The following MARCHF1 variants were observed in gnomAD, a reference collection of about 807,000 sequenced individuals.
MARCHF1 encodes the protein membrane associated ring-CH-type finger 1, also known as E3 ubiquitin-protein ligase MARCHF1.
Under a neutral mutation model 54.2 loss-of-function variants are expected in MARCHF1, and 40 were observed. That is an observed-to-expected ratio of 0.74 (90% CI 0.57 to 0.96). The LOEUF (loss-of-function observed/expected upper bound fraction) is 0.96, where lower values mean the gene tolerates loss of function less well. Ranked by LOEUF, MARCHF1 falls within the 40% of genes least tolerant of loss-of-function variation. MARCHF1 has a pLI of 0.00. For missense variants in MARCHF1, 586 were observed against 656.5 expected (o/e 0.89, Z 1.17); for synonymous variants, 236 against 236.3 (o/e 1.00, Z 0.01).
At chr4:164,131,966 T>A (rs896369996) in intron 1 of MARCHF1, among the ~76,000 whole-genome samples, 2 of 152,158 alleles carry the variant, frequency 1.3e-5, no homozygotes, top group African/African-American at 4.8e-5. Context: ...ATGTATAAAT[T>A]CTACGTATAA....
intron 2 of MARCHF1, among the ~76,000 whole-genome samples, chr4:164,054,971 T>C (rs1010744516): frequency 2.6e-5 from 4 of 152,122 alleles, no homozygotes; most frequent in Non-Finnish European, 4.4e-5. Flanking sequence ...TACTGTCATG[T>C]AATATGAAAG....
intron 1 of MARCHF1, among the ~76,000 whole-genome samples, chr4:164,315,740 G>A (rs1166705193): frequency 6.6e-6 from 1 of 152,168 alleles, no homozygotes; most frequent in East Asian, 1.9e-4. Flanking sequence ...TTGGGAGACT[G>A]TTAGTTATAT....
At chr4:163,635,684 A>G (rs1579139106) in intron 5 of MARCHF1, among the ~76,000 whole-genome samples, 1 of 151,464 alleles carries the variant, frequency 6.6e-6, no homozygotes, top group Non-Finnish European at 1.5e-5. Context: ...AACTGGTACC[A>G]TTCCTTCTGA....
chr4:164,085,824 T>C (rs1044713644), intron 2 of MARCHF1, among the ~76,000 whole-genome samples: 1 of 151,830 alleles, frequency 6.6e-6, no homozygotes, highest in Non-Finnish European at 1.5e-5. Flanking sequence ...ATTTATATTA[T>C]GACTATGTAT....
At chr4:164,315,969 T>G (rs996873226) in intron 1 of MARCHF1, among the ~76,000 whole-genome samples, 1 of 152,158 alleles carries the variant, frequency 6.6e-6, no homozygotes, top group Non-Finnish European at 1.5e-5. Flanking sequence ...TAAGTCTAGC[T>G]TAACTGTAAT....
In MARCHF1 at chr4:163,761,519, G is replaced by GAA. The variant is rs142594863; in HGVS notation, c.112-60657_112-60656insTT. Among the ~76,000 whole-genome samples the GAA allele has an allele frequency of 5.1e-4, 78 of 151,872 alleles. 1 individual carries two copies. The highest frequency in any genetic ancestry group is 7.7e-4 in the East Asian group (4 of 5,178). On this transcript the variant is annotated intron_variant, in intron 4 of 9. Coordinates refer to ENST00000514618, the MANE Select transcript of MARCHF1 (RefSeq NM_001394959.1). ...GAAGGAGGATAATTGAATATTAAGT[G>GAA]GAAGAAGTTGTAGGTCTGGATTAAG...
intron 5 of MARCHF1, among the ~76,000 whole-genome samples, chr4:163,636,815 T>C (rs925903586): frequency 8.5e-5 from 13 of 152,254 alleles, no homozygotes; most frequent in Admixed American, 2.6e-4. Context: ...AGAACAAAGC[T>C]GGAGGCATCA....
At chr4:163,931,631 G>T (rs1751678848) in intron 3 of MARCHF1, among the ~76,000 whole-genome samples, 1 of 152,146 alleles carries the variant, frequency 6.6e-6, no homozygotes, top group African/African-American at 2.4e-5. Flanking sequence ...AAGCTACCAG[G>T]CTATGGTATT....
chr4:163,877,632 C>T (rs577845329), intron 3 of MARCHF1, among the ~76,000 whole-genome samples: 2 of 152,100 alleles, frequency 1.3e-5, no homozygotes, highest in African/African-American at 4.8e-5. Flanking sequence ...CTCTACTTAC[C>T]ATGTCCAAAA....
intron 4 of MARCHF1, among the ~76,000 whole-genome samples, chr4:163,826,249 T>G (rs1254152037): frequency 6.6e-6 from 1 of 152,104 alleles, no homozygotes; most frequent in African/African-American, 2.4e-5. Flanking sequence ...TTTAGTGCAA[T>G]CTGACATTGG....
chr4:164,037,823 G>A (rs1186207012), intron 2 of MARCHF1, among the ~76,000 whole-genome samples: 1 of 152,184 alleles, frequency 6.6e-6, no homozygotes, highest in African/African-American at 2.4e-5. Flanking sequence ...ACTGATAGTT[G>A]CAACAGCTTA....
At chr4:163,784,025 A>G (rs1273584940) in intron 4 of MARCHF1, among the ~76,000 whole-genome samples, 1 of 152,240 alleles carries the variant, frequency 6.6e-6, no homozygotes, top group Non-Finnish European at 1.5e-5. Flanking sequence ...CATAAACAGT[A>G]GTTCATGTTA....
At chr4:164,104,090 C>T (rs1269962883) in intron 2 of MARCHF1, among the ~76,000 whole-genome samples, 1 of 150,768 alleles carries the variant, frequency 6.6e-6, no homozygotes, top group Non-Finnish European at 1.5e-5. Flanking sequence ...CTGAATAGAC[C>T]AATAACAGGA....
chr4:163,753,684 A>C (rs986735586), intron 4 of MARCHF1, among the ~76,000 whole-genome samples: 1 of 152,210 alleles, frequency 6.6e-6, no homozygotes, highest in Non-Finnish European at 1.5e-5. Context: ...ACACTGTTTT[A>C]ATATTCAAAA....
At chr4:163,586,349 T>G (rs370693720) in intron 7 of MARCHF1, among the ~76,000 whole-genome samples, 2 of 152,296 alleles carry the variant, frequency 1.3e-5, no homozygotes, top group African/African-American at 2.4e-5. Context: ...TCGTTATGTA[T>G]GTGCAAATAT....
intron 8 of MARCHF1, among the ~76,000 whole-genome samples, chr4:163,564,996 A>G (rs1410359551): frequency 6.6e-6 from 1 of 152,216 alleles, no homozygotes; most frequent in Non-Finnish European, 1.5e-5. Context: ...CGACTCTTAA[A>G]AAGAAGAAAA....
chr4:163,693,109 G>T (rs1156657980), intron 5 of MARCHF1, among the ~76,000 whole-genome samples: 1 of 151,268 alleles, frequency 6.6e-6, no homozygotes, highest in African/African-American at 2.4e-5. Context: ...TTGTATTTAT[G>T]ATATCATCAG....
At chr4:163,779,609 T>C (rs1349472954) in intron 4 of MARCHF1, among the ~76,000 whole-genome samples, 3 of 152,168 alleles carry the variant, frequency 2.0e-5, no homozygotes, top group Non-Finnish European at 4.4e-5. Context: ...GAGAGGATGT[T>C]TGCACCATAA....
chr4:164,266,905 A>G (rs1733624707), intron 1 of MARCHF1, among the ~76,000 whole-genome samples: 1 of 152,192 alleles, frequency 6.6e-6, no homozygotes, highest in African/African-American at 2.4e-5. Context: ...TACTAATTCA[A>G]CTCATCAATT....
Sources: gnomAD v4.1 joint callset for allele counts (sites outside exome capture counted in the v4.1 genomes callset) on GRCh38, gnomAD v4.1.1 for gene constraint, MANE v1.5 for transcripts, NCBI Gene and HGNC (gene_info 2026-07-23, HGNC 2026-07-21) for gene names.